The following CSF2RB variants were observed in gnomAD, a reference collection of about 807,000 sequenced individuals.
CSF2RB encodes the protein cytokine receptor common subunit beta.
In CSF2RB, 22 loss-of-function variants were observed where a neutral mutation model predicts 67.2. The ratio of observed to expected loss-of-function variants is 0.33; its 90% confidence interval spans 0.23 to 0.47. The LOEUF is 0.47. CSF2RB is among the 20% of genes least tolerant of loss of function. The pLI is 1.00. For missense variants in CSF2RB, 1,113 were observed against 1,174.5 expected, an observed-to-expected ratio of 0.95 and a Z score of 0.76; for synonymous variants, 507 against 482.9, an observed-to-expected ratio of 1.05 and a Z score of -0.65.
chr22:36,915,741 T>A (rs373441674), intron 1 of CSF2RB, among the ~76,000 whole-genome samples: 6 of 152,206 alleles, frequency 3.9e-5, no homozygotes, highest in African/African-American at 1.2e-4. Flanking sequence ...TAAGCTGACG[T>A]CCCCAAGGTA....
chr22:36,929,909 A>G (rs2145806276), intron 6 of CSF2RB, 102 bp downstream of exon 6: 1 of 1,456,854 alleles, frequency 6.9e-7, no homozygotes, highest in Non-Finnish European at 9.3e-7. Context: ...GGGGCTTCCC[A>G]GATCTCCTGC....
chr22:36,922,921 C>T (rs1940912710), intron 2 of CSF2RB, among the ~76,000 whole-genome samples: 1 of 151,930 alleles, frequency 6.6e-6, no homozygotes, highest in Non-Finnish European at 1.5e-5. Flanking sequence ...CACAGTCGGT[C>T]CAGGGGCCAG....
At chr22:36,931,288 C>T (rs891454450) in intron 8 of CSF2RB, among the ~76,000 whole-genome samples, 2 of 152,212 alleles carry the variant, frequency 1.3e-5, no homozygotes, top group African/African-American at 2.4e-5. Flanking sequence ...TAACATCCCT[C>T]GTTTCTGTGA....
At chr22:36,914,297 A>G (rs1218190135) in intron 1 of CSF2RB, among the ~76,000 whole-genome samples, 1 of 152,140 alleles carries the variant, frequency 6.6e-6, no homozygotes, top group East Asian at 1.9e-4. Flanking sequence ...GCTGAGGCCC[A>G]GAGCTGGGTG....
chr22:36,938,088 G>C lies in CSF2RB; in HGVS notation c.2280G>C (p.Lys760Asn), dbSNP rs1448106283. ...SGPPGAPGPV[K>N]SGFEGYVELP... ...CCCCTGGAGCCCCAGGCCCTGTGAA[G>C]TCAGGGTTTGAGGGCTATGTGGAGC... The change falls in exon 14 of 14, where the codon AAG becomes AAC. Residue 760 changes from lysine (K) to asparagine (N), a missense_variant. Around this residue, in one of 2 missense-constraint regions of CSF2RB, gnomAD observed 554 missense variants for 517.9 expected, o/e 1.07. Transcript: ENST00000403662. 4.3e-6 allele frequency: 7 copies of C among 1,614,006 alleles called. No individual in the cohort carries two copies. The highest frequency in any genetic ancestry group is 2.7e-5 in the African/African-American group (2 of 74,918).
intron 1 of CSF2RB, among the ~76,000 whole-genome samples, chr22:36,914,287 G>A (rs769283840): frequency 3.3e-5 from 5 of 152,100 alleles, no homozygotes; most frequent in African/African-American, 7.2e-5. Context: ...AGCTTGCTGC[G>A]CTGAGGCCCA....
chr22:36,926,396 T>C (rs1241388045), intron 4 of CSF2RB, among the ~76,000 whole-genome samples: 1 of 152,242 alleles, frequency 6.6e-6, no homozygotes, highest in Non-Finnish European at 1.5e-5. Context: ...CACCTCCCAC[T>C]AAGCCATGGG....
At chr22:36,930,309 G>A in intron 6 of CSF2RB, 66 bp from the exon 7 acceptor site, 1 of 1,605,774 alleles carries the variant, frequency 6.2e-7, no homozygotes, top group Non-Finnish European at 8.5e-7. Flanking sequence ...ATCACACGGT[G>A]GGCACCCACT....
chr22:36,932,160 C>T (rs191800059), intron 8 of CSF2RB, among the ~76,000 whole-genome samples: 76 of 152,276 alleles, frequency 5.0e-4, no homozygotes, highest in African/African-American at 1.6e-3. Flanking sequence ...TCAGGCTGGG[C>T]GCGGTGGCTC....
At chr22:36,914,689 A>G (rs1383279086) in intron 1 of CSF2RB, among the ~76,000 whole-genome samples, 1 of 150,868 alleles carries the variant, frequency 6.6e-6, no homozygotes, top group East Asian at 2.0e-4. Flanking sequence ...CCCTGCTGTT[A>G]TATTTTTGTA....
intron 9 of CSF2RB, among the ~76,000 whole-genome samples, chr22:36,933,574 ACAGGTGGCTT>A (rs1366260406): frequency 2.0e-5 from 3 of 152,206 alleles, no homozygotes; most frequent in Non-Finnish European, 4.4e-5. Context: ...ATAGGGTGGG[ACAGGTGGCTT>A]CAGGGTTCTG....
rs766552480 is a variant in CSF2RB, at chr22:36,933,957, CG to C, written c.1279del (p.Glu427SerfsTer23). On this transcript the variant is annotated frameshift_variant, in exon 10 of 14. Coordinates refer to ENST00000403662, the MANE Select transcript of CSF2RB (RefSeq NM_000395.3). LOFTEE classifies it high-confidence loss of function. ...GCACCGGCTACAACGGGATCTGGAG[CG>C]AGTGGAGTGAGGCGCGCTCCTGGGA... is the stretch of plus-strand genomic sequence containing the variant. Reference protein sequence around the residue: ...SRTGYNGIWSEWSEARSWDTE... With the variant: ...SRTGYNGIWSXWSEARSWDTE... 1.2e-6 allele frequency: 2 copies of C among 1,612,520 alleles called. No homozygotes were observed. Among genetic ancestry groups the C allele is most frequent in the Non-Finnish European group, 1.7e-6 (2 of 1,179,916 alleles).
At position 36,922,191 on chromosome 22, in the gene CSF2RB, C is replaced by T. The variant is rs926619815; in HGVS notation, c.-17C>T. On this transcript the variant is annotated 5_prime_UTR_variant, in exon 2 of 14. It introduces an in-frame stop codon into an upstream open reading frame of the 5' UTR. Transcript: ENST00000403662. ...CCACCAGTGCTGGTGCCTGCCTGTC[C>T]AGAGCTGACCAGGGAGATGGTGCTG... 9 of 1,575,568 alleles carry T rather than the reference C, an allele frequency of 5.7e-6. No homozygotes were observed. In the African/African-American group the frequency reaches 1.1e-4, roughly 19 times the overall value.
chr22:36,936,385 C>T (rs1206307698), intron 12 of CSF2RB, among the ~76,000 whole-genome samples, 164 bp from the exon 13 acceptor site: 1 of 152,152 alleles, frequency 6.6e-6, no homozygotes, highest in Non-Finnish European at 1.5e-5. Context: ...CCTCTCTGGG[C>T]CTCACTTTGC....
chr22:36,937,512 C>A lies in CSF2RB; in HGVS notation c.1704C>A (p.Ser568Arg), dbSNP rs1569139806. The A allele has an allele frequency of 1.2e-6, 2 of 1,613,750 alleles. No individual in the cohort carries two copies. Among genetic ancestry groups the A allele is most frequent in the Non-Finnish European group, 1.7e-6 (2 of 1,179,942 alleles). Reference sequence around the variant, plus strand: ...ATCTACCCACAGAGCAGCCCCCCAGCCCCCAGCCAGGCCCGCCTGCCGCCT... The same window carrying A: ...ATCTACCCACAGAGCAGCCCCCCAGACCCCAGCCAGGCCCGCCTGCCGCCT... Reference protein sequence around the residue: ...ASDLPTEQPPSPQPGPPAASH... With the variant: ...ASDLPTEQPPRPQPGPPAASH... The change falls in exon 14 of 14, where the codon AGC becomes AGA. Residue 568 changes from serine to arginine, a missense_variant. Transcript: ENST00000403662. This position sits in a 1 kb window ranked among gnomAD's most constrained non-coding sequence, Gnocchi z 4.6.
chr22:36,923,408 G>A (rs756766865), intron 3 of CSF2RB, 41 bp downstream of exon 3: 36 of 1,604,078 alleles, frequency 2.2e-5, no homozygotes, highest in Admixed American at 1.6e-4. Flanking sequence ...CAGGGGCTAC[G>A]ACGTCCCCTG....
intron 1 of CSF2RB, among the ~76,000 whole-genome samples, chr22:36,917,922 CA>C (rs76759877): frequency 0.16 from 22,690 of 144,306 alleles, 1,881 homozygotes; most frequent in East Asian, 0.37. Context: ...GATTCTGTCT[CA>C]AAAAAAAAAA....
chr22:36,927,820 AT>A (rs896483081), intron 4 of CSF2RB, among the ~76,000 whole-genome samples: 18 of 152,226 alleles, frequency 1.2e-4, no homozygotes, highest in Admixed American at 1.2e-3. Flanking sequence ...TAAAGCACTC[AT>A]TCCTAGAAAT....
chr22:36,938,004 C>G lies in CSF2RB; in HGVS notation c.2196C>G (p.Pro732=), dbSNP rs1345851238. The G allele has an allele frequency of 5.0e-6, 8 of 1,614,036 alleles. No homozygotes were observed. In the Admixed American group the frequency reaches 6.7e-5, roughly 13 times the overall value. Reference sequence around the variant, plus strand: ...GGGCCTCGTCTGTCTCCCTAGTTCCCTCTCTGGGCCTCCCCTCAGACCAGA... The same window carrying G: ...GGGCCTCGTCTGTCTCCCTAGTTCCGTCTCTGGGCCTCCCCTCAGACCAGA... The part of the protein sequence containing the change: ...NSGASSVSLV[P]SLGLPSDQTP... The change falls in exon 14 of 14, where the codon CCC becomes CCG. Residue 732 remains proline, a synonymous_variant. Coordinates refer to ENST00000403662, the MANE Select transcript of CSF2RB (RefSeq NM_000395.3).
Sources: gnomAD v4.1 joint callset for allele counts (sites outside exome capture counted in the v4.1 genomes callset) on GRCh38, gnomAD v4.1.1 for gene constraint, gnomAD v4.1.1 regional missense constraint, Gnocchi (gnomAD v3.1) non-coding constraint, MANE v1.5 for transcripts, NCBI Gene and HGNC (gene_info 2026-07-23, HGNC 2026-07-21) for gene names.